Variants in KLHL32 observed in about 807,000 individuals in gnomAD.
The protein encoded by KLHL32 is kelch-like protein 32.
KLHL32 carries 35 observed loss-of-function variants against 64.8 expected under a neutral mutation model. The observed-to-expected ratio is 0.54, with a 90% CI of 0.41 to 0.72. The LOEUF (loss-of-function observed/expected upper bound fraction) is 0.72. Ranked by LOEUF, KLHL32 falls within the 30% of genes least tolerant of loss-of-function variation. KLHL32 has a pLI of 0.00. For synonymous variants in KLHL32, 259 were observed against 281.0 expected, an observed-to-expected ratio of 0.92 and a Z score of 0.78; for missense variants, 589 against 768.5, an observed-to-expected ratio of 0.77 and a Z score of 2.76.
intron 6 of KLHL32, among the ~76,000 whole-genome samples, chr6:97,099,510 A>G (rs999841683): frequency 1.3e-5 from 2 of 152,170 alleles, no homozygotes; most frequent in Non-Finnish European, 2.9e-5. Context: ...CTTTCTCTCA[A>G]CTATCCTACA....
chr6:96,936,260 G>A (rs150765629), intron 1 of KLHL32, among the ~76,000 whole-genome samples: 5 of 152,274 alleles, frequency 3.3e-5, no homozygotes, highest in Admixed American at 6.5e-5. Context: ...TTGCATGGCC[G>A]TTCATTTCTC....
intron 1 of KLHL32, among the ~76,000 whole-genome samples, chr6:96,939,795 G>A (rs961412655): frequency 9.2e-5 from 14 of 152,118 alleles, no homozygotes; most frequent in Non-Finnish European, 1.8e-4. Context: ...GAAGTGGCAG[G>A]AACTGGAAGG....
intron 10 of KLHL32, among the ~76,000 whole-genome samples, chr6:97,133,194 G>C (rs1201867034): frequency 6.6e-6 from 1 of 152,210 alleles, no homozygotes; most frequent in East Asian, 1.9e-4. Context: ...GCTGTGAGCA[G>C]TAGTGGTTTA....
chr6:97,104,328 A>G (rs1328335451), intron 6 of KLHL32, among the ~76,000 whole-genome samples: 2 of 152,162 alleles, frequency 1.3e-5, no homozygotes, highest in African/African-American at 4.8e-5. Flanking sequence ...ATTTGTGGGA[A>G]ATAGACACCT....
At chr6:97,062,197 T>G (rs1053208587) in intron 4 of KLHL32, 3 of 152,242 alleles carry the variant, frequency 2.0e-5, no homozygotes, top group African/African-American at 7.2e-5. Flanking sequence ...CTCTCTGTGA[T>G]CACTGTCTTT....
rs551519264 is a variant in KLHL32 at position 97,111,760 on chromosome 6, C to T, written c.628-2023C>T. ...TGAAGTCACACAAACAAGATGAAGA[C>T]GGTAAATGTGGGGGATTTTATTGCC... is the stretch of plus-strand genomic sequence containing the variant. On this transcript the variant is annotated intron_variant, in intron 6 of 10. Coordinates refer to ENST00000369261, the MANE Select transcript of KLHL32 (RefSeq NM_052904.4). Among the ~76,000 whole-genome samples, 185 of 152,086 alleles carry T rather than the reference C, an allele frequency of 1.2e-3. 8 individuals carry two copies. The South Asian group carries it at 0.033, about 27-fold the overall frequency.
intron 1 of KLHL32, among the ~76,000 whole-genome samples, chr6:96,950,894 G>A (rs930408761): frequency 2.6e-5 from 4 of 152,094 alleles, no homozygotes; most frequent in Non-Finnish European, 5.9e-5. Context: ...GAGCCCATGA[G>A]ATGATAGTGA....
chr6:97,030,808 G>A (rs1011207394), intron 3 of KLHL32, among the ~76,000 whole-genome samples: 2 of 152,118 alleles, frequency 1.3e-5, no homozygotes, highest in Non-Finnish European at 2.9e-5. Flanking sequence ...CACCTTACAT[G>A]CAGAACATTT....
intron 1 of KLHL32, among the ~76,000 whole-genome samples, chr6:96,946,458 G>T (rs1771929820): frequency 6.6e-6 from 1 of 152,094 alleles, no homozygotes; most frequent in Non-Finnish European, 1.5e-5. Context: ...TCACTGATAT[G>T]TCCCAAGAAC....
chr6:97,045,147 G>A (rs1465865827), intron 4 of KLHL32, among the ~76,000 whole-genome samples: 2 of 152,124 alleles, frequency 1.3e-5, no homozygotes, highest in Non-Finnish European at 2.9e-5. Context: ...AAGGAAATAA[G>A]CCATTAATCA....
intron 3 of KLHL32, among the ~76,000 whole-genome samples, chr6:96,992,312 G>A (rs968756587): frequency 6.6e-6 from 1 of 152,232 alleles, no homozygotes; most frequent in African/African-American, 2.4e-5. Flanking sequence ...TTTCCTGGCT[G>A]TGGGGGGCCT....
intron 5 of KLHL32, among the ~76,000 whole-genome samples, chr6:97,083,400 A>T (rs1236608326): frequency 6.6e-6 from 1 of 152,010 alleles, no homozygotes; most frequent in Non-Finnish European, 1.5e-5. Context: ...AAAAAAAAAA[A>T]AAAAATTGTA....
chr6:97,092,083 G>A (rs575466640), intron 6 of KLHL32, among the ~76,000 whole-genome samples: 4 of 150,994 alleles, frequency 2.6e-5, no homozygotes, highest in South Asian at 2.1e-4. Context: ...TCCGCCTCCC[G>A]AGTTCAAGTG....
At position 97,117,036 on chromosome 6, in the gene KLHL32, C is replaced by T. The variant is rs768335565; in HGVS notation, c.1354+2527C>T. On this transcript the variant is annotated intron_variant, in intron 7 of 10. Coordinates refer to ENST00000369261, the MANE Select transcript of KLHL32 (RefSeq NM_052904.4). ...TCTTTAATTGGAAAGAAGAGGAAAT[C>T]GCCAGTGACATTTCTAATACCTTCA... 5.5e-4 allele frequency among the ~76,000 whole-genome samples: 84 copies of T among 152,264 alleles called. 1 individual carries two copies. Among genetic ancestry groups the T allele is most frequent in the Middle Eastern group, 3.4e-3 (1 of 294 alleles).
chr6:97,039,530 GCT>G (rs1562269410), intron 3 of KLHL32, among the ~76,000 whole-genome samples: 2 of 105,002 alleles, frequency 1.9e-5, no homozygotes, highest in African/African-American at 4.8e-5. Flanking sequence ...CTTGAAAATA[GCT>G]AGAAGACAGC....
intron 6 of KLHL32, among the ~76,000 whole-genome samples, chr6:97,104,600 T>C (rs1414641649): frequency 1.3e-5 from 2 of 152,202 alleles, no homozygotes; most frequent in African/African-American, 2.4e-5. Context: ...TTTGGTTCCA[T>C]TGAAATATAT....
chr6:97,076,558 A>G (rs1366658945), intron 5 of KLHL32, among the ~76,000 whole-genome samples: 15 of 152,176 alleles, frequency 9.9e-5, no homozygotes, highest in Middle Eastern at 3.2e-3. Flanking sequence ...TAAACTAAAG[A>G]CACCACCAGT....
intron 4 of KLHL32, among the ~76,000 whole-genome samples, chr6:97,052,927 G>C (rs528105591): frequency 1.3e-5 from 2 of 152,112 alleles, no homozygotes; most frequent in Admixed American, 1.3e-4. Context: ...ATGTCTGCTG[G>C]GAAATTTCCA....
chr6:97,060,504 G>T (rs2128147993), intron 4 of KLHL32, among the ~76,000 whole-genome samples: 1 of 152,258 alleles, frequency 6.6e-6, no homozygotes, highest in East Asian at 1.9e-4. Context: ...ACTGACTGAG[G>T]TGGCCCACGT....
Sources: gnomAD v4.1 joint callset for allele counts (sites outside exome capture counted in the v4.1 genomes callset) on GRCh38, gnomAD v4.1.1 for gene constraint, MANE v1.5 for transcripts, NCBI Gene and HGNC (gene_info 2026-07-23, HGNC 2026-07-21) for gene names.